Variants in ARHGAP6 observed in about 807,000 individuals in gnomAD.
ARHGAP6 encodes rho GTPase-activating protein 6.
A neutral mutation model predicts 55.7 loss-of-function variants in ARHGAP6; 16 were observed. That is an observed-to-expected ratio of 0.29 (90% CI 0.19 to 0.44). The LOEUF (loss-of-function observed/expected upper bound fraction) is 0.44, where lower values mean the gene tolerates loss of function less well. Ranked by LOEUF, ARHGAP6 falls within the 20% of genes least tolerant of loss-of-function variation. The pLI is 1.00. For missense variants in ARHGAP6, 698 were observed against 808.9 expected, an observed-to-expected ratio of 0.86 and a Z score of 1.66; for synonymous variants, 382 against 360.9, an observed-to-expected ratio of 1.06 and a Z score of -0.66.
At chrX:11,470,993 A>G (rs914274855) in intron 1 of ARHGAP6, among the ~76,000 whole-genome samples, 3 of 111,980 alleles carry the variant, frequency 2.7e-5, no homozygotes, top group Admixed American at 1.9e-4. Context: ...AGGTTTCTCT[A>G]TTCATATTAA....
chrX:11,307,585 A>G (rs2048251256), intron 1 of ARHGAP6, among the ~76,000 whole-genome samples: 1 of 112,716 alleles, frequency 8.9e-6, no homozygotes, highest in Admixed American at 9.4e-5. Flanking sequence ...GGAACTTGGG[A>G]TCAACTTGTT....
chrX:11,263,647 G>A (rs1292868591), intron 1 of ARHGAP6, among the ~76,000 whole-genome samples: 1 of 111,139 alleles, frequency 9.0e-6, no homozygotes, highest in Non-Finnish European at 1.9e-5. Context: ...TTAAGGAGGT[G>A]AGGGAATGAG....
chrX:11,411,179 TTATTTATATATATATATA>T (rs2049675829), intron 1 of ARHGAP6, among the ~76,000 whole-genome samples: 1 of 17,063 alleles, frequency 5.9e-5, no homozygotes, highest in South Asian at 7.8e-3. Flanking sequence ...CTGGCAGACA[TTATTTATATATATATATA>T]TATATATATA....
Position 11,575,569 on chromosome X carries a change from T to C in ARHGAP6, c.588+88672A>G, listed in dbSNP as rs1601661329. ...GCAGCAAAAAAACTTGCTACATCTT[T>C]TACCTGTGATAACCTGGAAGGGCGA... On this transcript the variant is annotated intron_variant, in intron 1 of 12. Coordinates refer to ENST00000337414, the MANE Select transcript of ARHGAP6 (RefSeq NM_013427.3). 3.6e-5 allele frequency among the ~76,000 whole-genome samples: 4 copies of C among 111,627 alleles called. No individual in the cohort carries two copies. The East Asian group carries it at 8.4e-4, about 23-fold the overall frequency.
chrX:11,546,889 A>G (rs761525095), intron 1 of ARHGAP6, among the ~76,000 whole-genome samples: 8 of 112,286 alleles, frequency 7.1e-5, no homozygotes, highest in African/African-American at 2.6e-4. Context: ...AAAGGGAGAA[A>G]ATAACCTACC....
At chrX:11,140,951 A>G (rs2045612240) in intron 12 of ARHGAP6, among the ~76,000 whole-genome samples, 1 of 111,531 alleles carries the variant, frequency 9.0e-6, no homozygotes, top group Non-Finnish European at 1.9e-5. Flanking sequence ...GGAGTGGGGG[A>G]TGTGAGTATT....
chrX:11,561,505 T>C (rs2051383887), intron 1 of ARHGAP6, among the ~76,000 whole-genome samples: 1 of 112,134 alleles, frequency 8.9e-6, no homozygotes, highest in Non-Finnish European at 1.9e-5. Flanking sequence ...AGTAAAATGG[T>C]AGACTCAGGA....
chrX:11,160,729 A>G (rs1371172530), intron 9 of ARHGAP6, among the ~76,000 whole-genome samples: 1 of 111,994 alleles, frequency 8.9e-6, no homozygotes, highest in African/African-American at 3.2e-5. Flanking sequence ...GCGAGCAATC[A>G]TAATTACTGA....
intron 1 of ARHGAP6, chrX:11,427,625 G>C: frequency 1.1e-6 from 1 of 877,676 alleles, no homozygotes; most frequent in Non-Finnish European, 1.4e-6. Context: ...GCGCGCCTTG[G>C]GCTCAGCCTG....
intron 2 of ARHGAP6, among the ~76,000 whole-genome samples, chrX:11,230,257 G>A (rs2047108695): frequency 8.9e-6 from 1 of 111,736 alleles, no homozygotes; most frequent in East Asian, 2.8e-4. Flanking sequence ...GAGTGCAGTG[G>A]CATGATCTTG....
rs765849912 is a variant in ARHGAP6 at position 11,139,249 on chromosome X, G to C, written c.2539C>G (p.His847Asp). 1.7e-6 allele frequency: 2 copies of C among 1,197,682 alleles called. No individual in the cohort carries two copies. The highest frequency in any genetic ancestry group is 3.6e-5 in the South Asian group (2 of 55,326). Residue 847 changes from histidine (H) to aspartate (D), a missense_variant, in exon 13 of 13, where the codon CAC (histidine) becomes GAC (aspartate). His to Asp is a moderately conservative substitution (Grantham distance 81, BLOSUM62 -1). Transcript: ENST00000337414. Reference sequence around the variant, plus strand: ...TCCAGCTCACTCTCGCTGAGGTCGTGGGCGCCGCTCAGGGTCAAGTACTGC... The same window carrying C: ...TCCAGCTCACTCTCGCTGAGGTCGTCGGCGCCGCTCAGGGTCAAGTACTGC... ...SEQYLTLSGA[H>D]DLSESELDVA...
At chrX:11,509,045 G>A (rs1293136014) in intron 1 of ARHGAP6, among the ~76,000 whole-genome samples, 1 of 111,288 alleles carries the variant, frequency 9.0e-6, no homozygotes, top group Non-Finnish European at 1.9e-5. Context: ...TCTGAGTTTG[G>A]GTACTAAGTT....
chrX:11,319,267 T>C (rs1603069250), intron 1 of ARHGAP6, among the ~76,000 whole-genome samples: 1 of 112,228 alleles, frequency 8.9e-6, no homozygotes, highest in Non-Finnish European at 1.9e-5. Context: ...TATGTGTCAT[T>C]GTACCCACAT....
chrX:11,431,030 C>T (rs1019792665), intron 1 of ARHGAP6, among the ~76,000 whole-genome samples: 2 of 112,292 alleles, frequency 1.8e-5, no homozygotes, highest in African/African-American at 3.2e-5. Flanking sequence ...ACATTTGATC[C>T]TTTGGGGTAA....
chrX:11,174,573 C>CTTTCTTTCTTTCT (rs1555964685), intron 8 of ARHGAP6, among the ~76,000 whole-genome samples: 4 of 42,285 alleles, frequency 9.5e-5, no homozygotes, highest in African/African-American at 3.9e-4. Flanking sequence ...TTCCTTCCTT[C>CTTTCTTTCTTTCT]CTTTCTTTCT....
chrX:11,655,210 A>T (rs1241448034), intron 1 of ARHGAP6, among the ~76,000 whole-genome samples: 2 of 110,198 alleles, frequency 1.8e-5, no homozygotes, highest in African/African-American at 3.3e-5. Flanking sequence ...AAGGCATAGC[A>T]TTCATCAGTA....
At chrX:11,408,424 AGAG>A (rs2049636403) in intron 1 of ARHGAP6, among the ~76,000 whole-genome samples, 1 of 111,870 alleles carries the variant, frequency 8.9e-6, no homozygotes, top group Non-Finnish European at 1.9e-5. Context: ...TGTCTGTAAC[AGAG>A]AAGGGCAACA....
At chrX:11,546,228 G>A (rs1440520799) in intron 1 of ARHGAP6, among the ~76,000 whole-genome samples, 1 of 110,587 alleles carries the variant, frequency 9.0e-6, no homozygotes, top group African/African-American at 3.3e-5. Flanking sequence ...CCTAATGCCT[G>A]GCGCTTATTG....
chrX:11,276,219 C>G (rs2238906), intron 1 of ARHGAP6, among the ~76,000 whole-genome samples: 3 of 111,385 alleles, frequency 2.7e-5, no homozygotes, highest in Non-Finnish European at 5.7e-5. Context: ...CATCTCCCCC[C>G]GACCCTGCCC....
Sources: gnomAD v4.1 joint callset for allele counts (sites outside exome capture counted in the v4.1 genomes callset) on GRCh38, gnomAD v4.1.1 for gene constraint, MANE v1.5 for transcripts, NCBI Gene and HGNC (gene_info 2026-07-23, HGNC 2026-07-21) for gene names.